ZNF207: variants seen among roughly 807,000 people sequenced by gnomAD.
ZNF207 encodes BUB3-interacting and GLEBS motif-containing protein ZNF207.
ZNF207 carries 24 observed loss-of-function variants against 60.2 expected under a neutral mutation model. That is an observed-to-expected ratio of 0.40 (90% confidence interval 0.29 to 0.56). The LOEUF (loss-of-function observed/expected upper bound fraction) is 0.56. ZNF207 is among the 20% of genes least tolerant of loss of function. ZNF207 has a pLI of 0.49. For synonymous variants in ZNF207, 236 were observed against 194.7 expected, an observed-to-expected ratio of 1.21 and a Z score of -1.77; for missense variants, 452 against 636.6, an observed-to-expected ratio of 0.71 and a Z score of 3.12.
rs746944466 is a variant in ZNF207 at position 32,363,529 on chromosome 17, C to CTTTTTTTTTTTTTTTTTTTTTT, written c.670+552_670+573dup. Among the ~76,000 whole-genome samples the CTTTTTTTTTTTTTTTTTTTTTT allele has an allele frequency of 2.4e-4, 17 of 69,614 alleles. 5 individuals are homozygous for CTTTTTTTTTTTTTTTTTTTTTT. Among genetic ancestry groups the CTTTTTTTTTTTTTTTTTTTTTT allele is most frequent in the Non-Finnish European group, 3.3e-4 (12 of 35,844 alleles). 45.7% of individuals were successfully genotyped at this position (69,614 alleles called of 152,430 possible). A position where few individuals can be genotyped will look rare whatever the true frequency, so the allele number is the denominator to read the frequency against. ...ACAAGTAATAGAGAAATCCAACAAA[C>CTTTTTTTTTTTTTTTTTTTTTT]TTTTTTTTTTTTTTTTTTTTTTTTT... On this transcript the variant is annotated intron_variant, in intron 7 of 11. Transcript: ENST00000394670.
chr17:32,380,445 G>A lies in ZNF207; in HGVS notation c.*10686G>A, dbSNP rs1265386260. On this transcript the variant is annotated 3_prime_UTR_variant, in exon 12 of 12. Coordinates refer to ENST00000394670, the MANE Select transcript of ZNF207 (RefSeq NM_001098507.2). The stretch of plus-strand genomic sequence containing the variant: ...TTTTATATTTCAAGCTTTTTGCAGG[G>A]TAGAAATAAGTGGCTGTTAAAGAAA... 1 of 152,110 alleles carries A rather than the reference G, an allele frequency of 6.6e-6. No individual in the cohort carries two copies. Among genetic ancestry groups the A allele is most frequent in the Non-Finnish European group, 1.5e-5 (1 of 68,020 alleles). 9.4% of individuals were successfully genotyped at this position (152,110 alleles called of 1,614,324 possible).
At chr17:32,357,339 A>ATTTTTT (rs1405292203) in intron 2 of ZNF207, among the ~76,000 whole-genome samples, 11 of 81,892 alleles carry the variant, frequency 1.3e-4, no homozygotes, top group African/African-American at 5.6e-4. Context: ...TATTATTATT[A>ATTTTTT]TTATTATTAT....
chr17:32,364,084 G>A (rs1422279190), intron 7 of ZNF207, among the ~76,000 whole-genome samples: 7 of 149,602 alleles, frequency 4.7e-5, no homozygotes, highest in Non-Finnish European at 1.0e-4. Flanking sequence ...TCGTGCTGAT[G>A]TGCCGTGGCA....
At chr17:32,369,113 A>C (rs578046085) in intron 10 of ZNF207, 182 bp from the exon 11 acceptor site, 17 of 546,750 alleles carry the variant, frequency 3.1e-5, no homozygotes, top group Non-Finnish European at 4.7e-5. Context: ...AAATAGGTGA[A>C]GTTTTAAGGT....
rs1424716537 is a variant in ZNF207 at position 32,379,622 on chromosome 17, G to A, written c.*9863G>A. ...TTCTTGTTGAAGCTGTTGTTGTGGT[G>A]ATTCATGAGCAGTAAGCTGGAGTTA... On this transcript the variant is annotated 3_prime_UTR_variant, in exon 12 of 12. Transcript: ENST00000394670. The A allele has an allele frequency of 2.0e-5, 3 of 152,226 alleles. No individual in the cohort carries two copies. Among genetic ancestry groups the A allele is most frequent in the Admixed American group, 6.5e-5 (1 of 15,286 alleles). The allele number at this position is 152,226 out of a possible 1,614,324, so 9.4% of individuals were successfully genotyped here. A position where few individuals can be genotyped will look rare whatever the true frequency, so the allele number is the denominator to read the frequency against.
At chr17:32,354,816 A>G (rs1904410867) in intron 2 of ZNF207, among the ~76,000 whole-genome samples, 1 of 151,598 alleles carries the variant, frequency 6.6e-6, no homozygotes, top group South Asian at 2.1e-4. Flanking sequence ...GGGTTTCACC[A>G]TCTTGGCCAG....
intron 2 of ZNF207, among the ~76,000 whole-genome samples, chr17:32,354,540 C>A (rs1904389250): frequency 2.0e-5 from 3 of 151,706 alleles, no homozygotes; most frequent in Admixed American, 6.6e-5. Context: ...AACTCCTGGC[C>A]TCAAGTGATC....
chr17:32,366,093 C>A (rs961362683), intron 8 of ZNF207, among the ~76,000 whole-genome samples: 2 of 152,082 alleles, frequency 1.3e-5, no homozygotes, highest in African/African-American at 4.8e-5. Flanking sequence ...TTCCTAGTTT[C>A]ATTGAGAAGC....
chr17:32,366,854 T>G, intron 9 of ZNF207, 97 bp downstream of exon 9: 1 of 1,130,826 alleles, frequency 8.8e-7, no homozygotes, highest in East Asian at 2.8e-5. Flanking sequence ...AAAAATATAC[T>G]GTGTTTACTT....
chr17:32,364,666 C>T (rs375708184), intron 7 of ZNF207, among the ~76,000 whole-genome samples: 1 of 152,020 alleles, frequency 6.6e-6, no homozygotes, highest in South Asian at 2.1e-4. Context: ...CCCTAGCCTG[C>T]GTTTTATGTT....
At chr17:32,363,372 G>A (rs1258251845) in intron 7 of ZNF207, among the ~76,000 whole-genome samples, 4 of 152,024 alleles carry the variant, frequency 2.6e-5, no homozygotes, top group Non-Finnish European at 5.9e-5. Context: ...ACAGGTGTGA[G>A]CCACCACGCC....
chr17:32,354,139 C>T (rs1053577490), intron 2 of ZNF207, among the ~76,000 whole-genome samples: 1 of 152,076 alleles, frequency 6.6e-6, no homozygotes, highest in African/African-American at 2.4e-5. Flanking sequence ...CCATACCTGG[C>T]TATTTTTAAA....
In ZNF207 at chr17:32,373,617, C is replaced by T. The variant is rs117877322; in HGVS notation, c.*3858C>T. 9,083 of 397,642 alleles carry T rather than the reference C, an allele frequency of 0.023. 155 individuals carry two copies. Among genetic ancestry groups the T allele is most frequent in the South Asian group, 0.042 (327 of 7,746 alleles). 24.6% of individuals were successfully genotyped at this position (397,642 alleles called of 1,614,324 possible). A position where few individuals can be genotyped will look rare whatever the true frequency, so the allele number is the denominator to read the frequency against. On this transcript the variant is annotated 3_prime_UTR_variant, in exon 12 of 12. Transcript: ENST00000394670. ...AGAGAAGGCTCTATATTAATATTCA[C>T]GTTTGACTGTGGTGTTAATAAACAT...
chr17:32,365,505 A>G lies in ZNF207; in HGVS notation c.828+18A>G. On this transcript the variant is annotated intron_variant, in intron 8 of 11. Coordinates refer to ENST00000394670, the MANE Select transcript of ZNF207 (RefSeq NM_001098507.2). ...CTGGACAGGTAAGGTGAAAATCCTG[A>G]AAAGGAGTGCACTTATATTTAAAGA... is the stretch of plus-strand genomic sequence containing the variant. 1 of 1,612,764 alleles carries G rather than the reference A, an allele frequency of 6.2e-7. No homozygotes were observed. Among genetic ancestry groups the G allele is most frequent in the South Asian group, 1.1e-5 (1 of 90,762 alleles).
At position 32,370,007 on chromosome 17, in the gene ZNF207, G is replaced by C. The variant is rs1430924421; in HGVS notation, c.*248G>C. Reference sequence around the variant, plus strand: ...TTTTCATGTTTCATCTAGGTTTTTAGAAGTGAAGTATAGTAAATTTGGTTC... The same window carrying C: ...TTTTCATGTTTCATCTAGGTTTTTACAAGTGAAGTATAGTAAATTTGGTTC... On this transcript the variant is annotated 3_prime_UTR_variant, in exon 12 of 12. Transcript: ENST00000394670. 3 of 349,780 alleles carry C rather than the reference G, an allele frequency of 8.6e-6. No homozygotes were observed. The highest frequency in any genetic ancestry group is 1.5e-5 in the Non-Finnish European group (3 of 203,792). 21.7% of individuals were successfully genotyped at this position (349,780 alleles called of 1,614,324 possible).
intron 2 of ZNF207, among the ~76,000 whole-genome samples, chr17:32,353,811 C>A (rs1288864374): frequency 2.4e-4 from 26 of 110,536 alleles, no homozygotes; most frequent in East Asian, 8.7e-4. Flanking sequence ...ACTCTGTCTC[C>A]AAAAAAAAAA....
At chr17:32,360,180 C>A (rs538752836) in intron 3 of ZNF207, among the ~76,000 whole-genome samples, 3 of 107,602 alleles carry the variant, frequency 2.8e-5, no homozygotes, top group African/African-American at 1.1e-4. Context: ...ACCTTTACCC[C>A]CCCCCCAAAA....
rs1050320800 is a variant in ZNF207 at position 32,377,865 on chromosome 17, C to T, written c.*8106C>T. 2 of 151,450 alleles carry T rather than the reference C, an allele frequency of 1.3e-5. No homozygotes were observed. Among genetic ancestry groups the T allele is most frequent in the Non-Finnish European group, 3.0e-5 (2 of 67,718 alleles). 9.4% of individuals were successfully genotyped at this position (151,450 alleles called of 1,614,324 possible). On this transcript the variant is annotated 3_prime_UTR_variant, in exon 12 of 12. Transcript: ENST00000394670. The stretch of plus-strand genomic sequence containing the variant: ...ATTTAATGCACATTGACTTTTTAAA[C>T]TATGGATTGAACTCCTCAGTTTAAT...
intron 10 of ZNF207, 127 bp from the exon 11 acceptor site, chr17:32,369,168 A>G: frequency 1.0e-6 from 1 of 986,548 alleles, no homozygotes; most frequent in Non-Finnish European, 1.5e-6. Context: ...GCAAAAGTAA[A>G]TAGTTGGGAT....
Sources: allele counts gnomAD v4.1 joint callset (sites outside exome capture counted in the v4.1 genomes callset), GRCh38; gene constraint gnomAD v4.1.1; transcripts MANE v1.5; gene names NCBI Gene and HGNC (gene_info 2026-07-23, HGNC 2026-07-21).